IGFL2: variants seen among roughly 807,000 people sequenced by gnomAD.
IGFL2 encodes the protein IGF like family member 2, also known as insulin growth factor-like family member 2.
IGFL2 carries 7 observed loss-of-function variants against 13.9 expected under a neutral mutation model. The ratio of observed to expected loss-of-function variants is 0.51; its 90% CI spans 0.29 to 0.95. IGFL2 has a LOEUF of 0.95. Among genes scored for constraint, IGFL2 ranks in the 40% least tolerant of loss-of-function variants. The probability of loss-of-function intolerance (pLI) is 0.08; values close to 1 mark genes in which losing one functional copy is unlikely to be tolerated. For missense variants in IGFL2, 138 were observed against 147.8 expected (o/e 0.93, Z 0.34); for synonymous variants, 55 against 55.8 (o/e 0.99, Z 0.07).
chr19:46,172,211 C>T, the IGFL2 span, among the ~76,000 whole-genome samples: 1 of 152,120 alleles, frequency 6.6e-6, no homozygotes, highest in Non-Finnish European at 1.5e-5. Flanking sequence ...TAAAAAGTGG[C>T]AAATTGTCCT....
At chr19:46,178,747 T>A in the IGFL2 span, among the ~76,000 whole-genome samples, 2 of 152,184 alleles carry the variant, frequency 1.3e-5, no homozygotes, top group African/African-American at 4.8e-5. Flanking sequence ...AATCCACCCA[T>A]AAGCCCCCAC....
the IGFL2 span, chr19:46,124,763 G>A: frequency 2.5e-5 from 22 of 865,890 alleles, no homozygotes; most frequent in African/African-American, 3.4e-4. Flanking sequence ...TTGGATGGCT[G>A]CTGATCATGC....
chr19:46,096,300 T>C, the IGFL2 span, among the ~76,000 whole-genome samples: 1 of 151,952 alleles, frequency 6.6e-6, no homozygotes, highest in Admixed American at 6.6e-5. Flanking sequence ...TGGGAGTTCA[T>C]CCATGATTTG....
At chr19:46,198,065 TTCCTTCCTTCC>T in the IGFL2 span, 2 of 126,124 alleles carry the variant, frequency 1.6e-5, no homozygotes, top group African/African-American at 3.1e-5. Context: ...CTTCCTTTCC[TTCCTTCCTTCC>T]TTCCTTCCTT....
the IGFL2 span, among the ~76,000 whole-genome samples, chr19:46,167,405 A>G: frequency 2.0e-5 from 3 of 152,178 alleles, no homozygotes; most frequent in African/African-American, 4.8e-5. Flanking sequence ...GGTGGCAGGT[A>G]GACTATATAG....
chr19:46,122,059 C>G, the IGFL2 span, among the ~76,000 whole-genome samples: 1 of 151,242 alleles, frequency 6.6e-6, no homozygotes, highest in African/African-American at 2.4e-5. Context: ...AATGTTAAAA[C>G]TGACACAGCT....
upstream of IGFL2, among the ~76,000 whole-genome samples, chr19:46,138,149 T>G (rs1398027720): frequency 2.0e-5 from 3 of 152,240 alleles, no homozygotes; most frequent in African/African-American, 7.2e-5. Flanking sequence ...CTGTGTGGGC[T>G]GAAGTTGCTT....
chr19:46,120,223 C>T, the IGFL2 span: 2 of 1,530,072 alleles, frequency 1.3e-6, no homozygotes, highest in South Asian at 1.2e-5. Context: ...TGAGCCATCC[C>T]TCTGAAGTCA....
chr19:46,154,870 C>T (rs1159875984), intron 1 of IGFL2, among the ~76,000 whole-genome samples: 2 of 152,166 alleles, frequency 1.3e-5, no homozygotes, highest in African/African-American at 4.8e-5. Context: ...ACACTCTTTT[C>T]AAGAAAAGCC....
At chr19:46,153,813 A>ATG (rs1210117213) in intron 1 of IGFL2, among the ~76,000 whole-genome samples, 6 of 145,090 alleles carry the variant, frequency 4.1e-5, no homozygotes, top group Non-Finnish European at 6.0e-5. Context: ...CAAATTATAT[A>ATG]TGTGTATATA....
chr19:46,096,669 C>T, the IGFL2 span, among the ~76,000 whole-genome samples: 1 of 151,916 alleles, frequency 6.6e-6, no homozygotes, highest in South Asian at 2.1e-4. Context: ...TCATAAATGG[C>T]TCTTATTTTG....
At chr19:46,210,525 CT>C in the IGFL2 span, among the ~76,000 whole-genome samples, 5 of 152,134 alleles carry the variant, frequency 3.3e-5, no homozygotes, top group African/African-American at 1.2e-4. Context: ...AATAGGCCAT[CT>C]GCAAGCTGAG....
the IGFL2 span, among the ~76,000 whole-genome samples, chr19:46,178,275 T>C: frequency 1.7e-5 from 2 of 120,658 alleles, no homozygotes; most frequent in Non-Finnish European, 4.2e-5. Context: ...AGACTCTGCC[T>C]CAAAAAGAAA....
the IGFL2 span, among the ~76,000 whole-genome samples, chr19:46,092,988 C>G: frequency 6.6e-6 from 1 of 152,128 alleles, no homozygotes. Context: ...ATTTTTAAGA[C>G]TTCAAAATGA....
the IGFL2 span, among the ~76,000 whole-genome samples, chr19:46,094,409 A>T: frequency 6.6e-6 from 1 of 152,340 alleles, no homozygotes; most frequent in Middle Eastern, 3.4e-3. Flanking sequence ...TGTCCTATTC[A>T]AAATGATAGA....
the IGFL2 span, among the ~76,000 whole-genome samples, chr19:46,185,634 G>T: frequency 1.3e-5 from 2 of 152,210 alleles, no homozygotes; most frequent in Non-Finnish European, 2.9e-5. Context: ...TTCTTCTGAA[G>T]AGAAGCCTGT....
chr19:46,180,968 C>T, the IGFL2 span, among the ~76,000 whole-genome samples: 1 of 152,212 alleles, frequency 6.6e-6, no homozygotes, highest in Non-Finnish European at 1.5e-5. Flanking sequence ...GTCTGCTGCT[C>T]CCAGTGCACT....
At chr19:46,209,502 G>A in the IGFL2 span, 2 of 152,162 alleles carry the variant, frequency 1.3e-5, no homozygotes, top group South Asian at 4.1e-4. Context: ...TGCTAGAAGA[G>A]GGTAGGGATG....
At chr19:46,199,539 C>T in the IGFL2 span, among the ~76,000 whole-genome samples, 3 of 152,192 alleles carry the variant, frequency 2.0e-5, no homozygotes, top group African/African-American at 7.2e-5. Flanking sequence ...GGCCACCCTC[C>T]CCGCTTCCCA....
Sources: allele counts gnomAD v4.1 joint callset (sites outside exome capture counted in the v4.1 genomes callset), GRCh38; gene constraint gnomAD v4.1.1; transcripts MANE v1.5; gene names NCBI Gene and HGNC (gene_info 2026-07-23, HGNC 2026-07-21).